The following PTPRT variants were observed in gnomAD, a reference collection of about 807,000 sequenced individuals.
PTPRT encodes receptor-type tyrosine-protein phosphatase T.
In PTPRT, 56 loss-of-function variants were observed where a neutral mutation model predicts 176.8. The ratio of observed to expected loss-of-function variants is 0.32; its 90% confidence interval spans 0.26 to 0.40. The LOEUF (loss-of-function observed/expected upper bound fraction) is 0.40. Among genes scored for constraint, PTPRT ranks in the 10% least tolerant of loss-of-function variants. The pLI, the probability that PTPRT is intolerant of heterozygous loss-of-function variation, is 1.00. For synonymous variants in PTPRT, 783 were observed against 739.0 expected (o/e 1.06, Z -0.96); for missense variants, 1,540 against 1,908.2 (o/e 0.81, Z 3.60).
chr20:42,178,640 G>A (rs897802711), intron 16 of PTPRT, among the ~76,000 whole-genome samples: 1 of 152,206 alleles, frequency 6.6e-6, no homozygotes, highest in Admixed American at 6.5e-5. Context: ...TCTGGTTGCA[G>A]CCTAGATGTG....
At chr20:42,941,570 C>T (rs150635842) in intron 1 of PTPRT, among the ~76,000 whole-genome samples, 3 of 152,302 alleles carry the variant, frequency 2.0e-5, no homozygotes, top group Non-Finnish European at 4.4e-5. Flanking sequence ...TCCTCTGACT[C>T]CTGATCTAGC....
intron 9 of PTPRT, among the ~76,000 whole-genome samples, chr20:42,365,762 G>A (rs1255420141): frequency 2.0e-5 from 3 of 152,180 alleles, no homozygotes; most frequent in Admixed American, 2.0e-4. Context: ...CATGTAGCCT[G>A]TGGGCTCAGG....
chr20:42,966,993 G>A (rs760285288), intron 1 of PTPRT, among the ~76,000 whole-genome samples: 1 of 152,212 alleles, frequency 6.6e-6, no homozygotes, highest in Non-Finnish European at 1.5e-5. Flanking sequence ...CTTTAAGAGA[G>A]GCATTTGGTC....
chr20:42,836,226 T>C (rs1300775909), intron 2 of PTPRT, among the ~76,000 whole-genome samples: 1 of 152,054 alleles, frequency 6.6e-6, no homozygotes, highest in East Asian at 1.9e-4. Context: ...GCCTCCCACA[T>C]AGGGCCAGGC....
intron 7 of PTPRT, among the ~76,000 whole-genome samples, chr20:42,547,402 A>G (rs1397360547): frequency 6.8e-6 from 1 of 147,184 alleles, no homozygotes; most frequent in African/African-American, 2.7e-5. Flanking sequence ...TGTAAAATGA[A>G]AAAAAAATAT....
At chr20:42,797,496 G>A (rs987043590) in intron 2 of PTPRT, among the ~76,000 whole-genome samples, 32 of 151,872 alleles carry the variant, frequency 2.1e-4, no homozygotes, top group Admixed American at 7.9e-4. Flanking sequence ...TACACATCCT[G>A]ACCCCCACCC....
intron 2 of PTPRT, among the ~76,000 whole-genome samples, chr20:42,812,578 G>A (rs2077714682): frequency 6.6e-6 from 1 of 152,088 alleles, no homozygotes; most frequent in South Asian, 2.1e-4. Flanking sequence ...TCAGCTGCTT[G>A]TAACACATTC....
At chr20:42,086,741 A>ATATAT (rs1311915259) in intron 27 of PTPRT, among the ~76,000 whole-genome samples, 11 of 37,956 alleles carry the variant, frequency 2.9e-4, no homozygotes, top group African/African-American at 5.6e-4. Context: ...AAAAAAAAAA[A>ATATAT]AAAAAAAAAA....
chr20:42,072,330 T>C (rs950841799), downstream of PTPRT, among the ~76,000 whole-genome samples: 21 of 152,216 alleles, frequency 1.4e-4, no homozygotes, highest in Admixed American at 5.2e-4. Context: ...CTTAGCTGGC[T>C]GCTATCAAAT....
At chr20:43,054,585 AC>A (rs142576006) in intron 1 of PTPRT, among the ~76,000 whole-genome samples, 18 of 150,626 alleles carry the variant, frequency 1.2e-4, no homozygotes, top group African/African-American at 3.4e-4. Flanking sequence ...AAAAAAAAAA[AC>A]AACCTTGGTC....
intron 1 of PTPRT, among the ~76,000 whole-genome samples, chr20:42,898,696 C>T (rs2079346481): frequency 6.6e-6 from 1 of 152,126 alleles, no homozygotes; most frequent in Non-Finnish European, 1.5e-5. Flanking sequence ...GAAAAAAGAA[C>T]ATCATGGGGT....
chr20:42,711,082 T>A (rs1232112556), intron 6 of PTPRT, among the ~76,000 whole-genome samples: 1 of 152,236 alleles, frequency 6.6e-6, no homozygotes, highest in African/African-American at 2.4e-5. Flanking sequence ...ATTGCATCTT[T>A]GAAATAAATA....
intron 3 of PTPRT, among the ~76,000 whole-genome samples, chr20:42,781,086 G>T (rs1182348182): frequency 6.6e-6 from 1 of 152,044 alleles, no homozygotes; most frequent in Non-Finnish European, 1.5e-5. Flanking sequence ...TCTACCGACA[G>T]TCTCATCCCA....
At chr20:42,304,708 T>C (rs2057518393) in intron 12 of PTPRT, among the ~76,000 whole-genome samples, 1 of 152,192 alleles carries the variant, frequency 6.6e-6, no homozygotes, top group East Asian at 1.9e-4. Context: ...TGAGTGCAAA[T>C]GTCTCCATTA....
rs377241703 is a variant in PTPRT at position 42,929,029 on chromosome 20, C to T, written c.89-43097G>A. On this transcript the variant is annotated intron_variant, in intron 1 of 30. Transcript: ENST00000373187. ...CCCCCTGCTTTCTTTTTGGCTTTGC[C>T]CATCAATTTGGCAAGATGGCAGCAG... is the stretch of plus-strand genomic sequence containing the variant. 6.6e-5 allele frequency among the ~76,000 whole-genome samples: 10 copies of T among 152,272 alleles called. 1 individual carries two copies. Among genetic ancestry groups the T allele is most frequent in the African/African-American group, 2.4e-4 (10 of 41,554 alleles).
Position 42,267,558 on chromosome 20 carries a change from G to A in PTPRT, c.2176+14931C>T, listed in dbSNP as rs559434939. Among the ~76,000 whole-genome samples the A allele has an allele frequency of 1.5e-4, 23 of 152,252 alleles. No homozygotes were observed. In the South Asian group the frequency reaches 3.9e-3, roughly 26 times the overall value. ...TATGGCTCTGGAGGTTTATAACAGA[G>A]GATGATTTTTGTCTCCATGGCACAT... On this transcript the variant is annotated intron_variant, in intron 13 of 30. Transcript: ENST00000373187.
intron 6 of PTPRT, among the ~76,000 whole-genome samples, chr20:42,705,951 A>G (rs1019667752): frequency 5.3e-5 from 8 of 152,074 alleles, no homozygotes; most frequent in African/African-American, 1.9e-4. Flanking sequence ...TCACCATTAG[A>G]TAGATTCCTT....
chr20:42,050,415 C>T, the PTPRT span, among the ~76,000 whole-genome samples: 6 of 152,134 alleles, frequency 3.9e-5, no homozygotes, highest in African/African-American at 1.4e-4. Context: ...CAAGGTCACA[C>T]AGCTTGTAAG....
At chr20:42,589,961 T>A (rs1415841456) in intron 7 of PTPRT, among the ~76,000 whole-genome samples, 2 of 152,180 alleles carry the variant, frequency 1.3e-5, no homozygotes, top group Non-Finnish European at 2.9e-5. Context: ...GTGGAGTTTA[T>A]GTCCCCTCCT....
Sources: allele counts gnomAD v4.1 joint callset (sites outside exome capture counted in the v4.1 genomes callset), GRCh38; gene constraint gnomAD v4.1.1; transcripts MANE v1.5; gene names NCBI Gene and HGNC (gene_info 2026-07-23, HGNC 2026-07-21).